The following PRKDC variants were observed in gnomAD, a reference collection of about 807,000 sequenced individuals.
The protein encoded by PRKDC is protein kinase, DNA-activated, catalytic subunit.
In PRKDC, 82 loss-of-function variants were observed where a neutral mutation model predicts 486.9. The ratio of observed to expected loss-of-function variants is 0.17; its 90% CI spans 0.14 to 0.20. PRKDC has a LOEUF of 0.20. Ranked by LOEUF, PRKDC falls within the 10% of genes least tolerant of loss-of-function variation. The pLI is 1.00. For missense variants in PRKDC, 4,504 were observed against 5,038.2 expected, an observed-to-expected ratio of 0.89 and a Z score of 3.21; for synonymous variants, 1,895 against 1,837.0, an observed-to-expected ratio of 1.03 and a Z score of -0.81.
At position 47,839,148 on chromosome 8, in the gene PRKDC, T is replaced by A. The variant is rs2088089235; in HGVS notation, c.7553A>T (p.Gln2518Leu). ...QGLIDENPGL[Q>L]LIIRNFWSHE... ...TGTCCCAGCCCAGTTATTCACGTAC[T>A]GAAGTCCAGGGTTCTCATCGATCAA... is the stretch of plus-strand genomic sequence containing the variant. The change falls in exon 56 of 86, where the codon CAA (glutamine) becomes CTA (leucine). Residue 2518 changes from glutamine (Q) to leucine (L), a missense_variant and splice_region_variant. Gln to Leu is a moderately radical substitution (Grantham distance 113). Around this residue, in one of 6 missense-constraint regions of PRKDC, gnomAD observed 1,592 missense variants for 1,724.6 expected, o/e 0.92. Coordinates refer to ENST00000314191, the MANE Select transcript of PRKDC (RefSeq NM_006904.7). 6.2e-7 allele frequency: 1 copy of A among 1,609,178 alleles called. No homozygotes were observed. Among genetic ancestry groups the A allele is most frequent in the Admixed American group, 1.7e-5 (1 of 59,994 alleles).
chr8:47,817,088 T>C (rs1351471016), intron 68 of PRKDC, among the ~76,000 whole-genome samples: 2 of 152,194 alleles, frequency 1.3e-5, no homozygotes, highest in Non-Finnish European at 2.9e-5. Flanking sequence ...AAAATCCTAG[T>C]TATAAAAAAT....
chr8:47,872,421 A>T (rs1283297104), intron 40 of PRKDC, among the ~76,000 whole-genome samples: 2 of 151,970 alleles, frequency 1.3e-5, no homozygotes, highest in African/African-American at 4.8e-5. Context: ...GTAGAAGTCC[A>T]CACTTATCAA....
chr8:47,832,292 A>G lies in PRKDC; in HGVS notation c.8153-366T>C, dbSNP rs2087902859. Among the ~76,000 whole-genome samples the G allele has an allele frequency of 2.6e-5, 4 of 152,190 alleles. No homozygotes were observed. In the South Asian group the frequency reaches 8.3e-4, roughly 32 times the overall value. On this transcript the variant is annotated intron_variant, in intron 59 of 85. Transcript: ENST00000314191. ...CCTCCCTCGGGACTGTGGCAACCTG[A>G]CCAGGGACAGGTGACCGCAACACTC...
chr8:47,945,191 G>A (rs2090512080), intron 7 of PRKDC, among the ~76,000 whole-genome samples: 1 of 152,166 alleles, frequency 6.6e-6, no homozygotes, highest in Non-Finnish European at 1.5e-5. Flanking sequence ...CTCTCCTGCA[G>A]CCCCTCCCTC....
At chr8:47,942,246 A>C (rs1297786586) in intron 10 of PRKDC, among the ~76,000 whole-genome samples, 1 of 152,248 alleles carries the variant, frequency 6.6e-6, no homozygotes, top group Non-Finnish European at 1.5e-5. Context: ...AGGCCAGCCA[A>C]GTTCAGCGTA....
chr8:47,857,084 T>C (rs2088557630), intron 49 of PRKDC, 72 bp downstream of exon 49: 1 of 1,451,668 alleles, frequency 6.9e-7, no homozygotes, highest in Non-Finnish European at 9.2e-7. Context: ...GGGACCTGAA[T>C]TATGTGTCAT....
In PRKDC at chr8:47,930,736, C is replaced by T. The variant is rs1459814906; in HGVS notation, c.1828G>A (p.Ala610Thr). The change falls in exon 17 of 86, where the codon GCT (alanine) becomes ACT (threonine). Residue 610 changes from alanine (A) to threonine (T), a missense_variant. Physicochemically the swap from Ala to Thr is moderately conservative, Grantham distance 58. Transcript: ENST00000314191. ...TTAGGTTTAGCTGGATGCAAGTTAG[C>T]CGCTGGATCTGAAGTTGGGATCATC... ...VWMIPTSDPA[A>T]NLHPAKPKDF... is the part of the protein sequence containing the mutation. The T allele has an allele frequency of 1.3e-6, 2 of 1,591,822 alleles. No individual in the cohort carries two copies. Among genetic ancestry groups the T allele is most frequent in the Non-Finnish European group, 1.7e-6 (2 of 1,168,834 alleles).
At position 47,819,422 on chromosome 8, in the gene PRKDC, A is replaced by G; in HGVS notation, c.9425T>C (p.Ile3142Thr). 1 of 1,540,098 alleles carries G rather than the reference A, an allele frequency of 6.5e-7. No homozygotes were observed. The highest frequency in any genetic ancestry group is 8.7e-7 in the Non-Finnish European group (1 of 1,151,282). Residue 3142 changes from isoleucine to threonine, a missense_variant, in exon 67 of 86, where the codon ATC (isoleucine) becomes ACC (threonine). Transcript: ENST00000314191. ...VQALTEIQEFISFISKQGNLS... is the reference protein window; with the variant it reads ...VQALTEIQEFTSFISKQGNLS... ...ATTACCTTGTTTGCTTATAAAGCTG[A>G]TGAACTCCTGAATTTCTGTTAAAGC...
chr8:47,936,655 T>C, intron 11 of PRKDC, 138 bp from the exon 12 acceptor site: 2 of 990,638 alleles, frequency 2.0e-6, no homozygotes, highest in Non-Finnish European at 2.9e-6. Flanking sequence ...GTTTCGCTCT[T>C]GTCCAGGCTG....
rs397891351 is a variant in PRKDC at position 47,825,504 on chromosome 8, C to CAAAAAA, written c.8783+1146_8783+1151dup. On this transcript the variant is annotated intron_variant, in intron 63 of 85. Coordinates refer to ENST00000314191, the MANE Select transcript of PRKDC (RefSeq NM_006904.7). ...AACTGGCGACAGAGCAAGACTGTCT[C>CAAAAAA]AAAAAAAAAAAAAAAAAAAAAAAAA... 4.6e-3 allele frequency among the ~76,000 whole-genome samples: 47 copies of CAAAAAA among 10,240 alleles called. 5 individuals are homozygous for CAAAAAA. The highest frequency in any genetic ancestry group is 0.012 in the African/African-American group (32 of 2,770). The allele number at this position is 10,240 out of a possible 152,430, so 6.7% of individuals were successfully genotyped here.
chr8:47,875,061 C>CA (rs1370938478), intron 40 of PRKDC, among the ~76,000 whole-genome samples: 3 of 151,972 alleles, frequency 2.0e-5, no homozygotes, highest in Non-Finnish European at 4.4e-5. Flanking sequence ...TCCAAAAAAA[C>CA]AAAAAAGCTA....
intron 74 of PRKDC, among the ~76,000 whole-genome samples, chr8:47,793,835 G>A (rs1157869462): frequency 6.6e-6 from 1 of 152,052 alleles, no homozygotes; most frequent in African/African-American, 2.4e-5. Flanking sequence ...ACACTACACA[G>A]TTTGTGTACA....
intron 63 of PRKDC, among the ~76,000 whole-genome samples, chr8:47,825,504 CAAAAAAAA>C (rs397891351): frequency 2.9e-4 from 3 of 10,256 alleles, no homozygotes; most frequent in Non-Finnish European, 3.9e-4. Flanking sequence ...AAGACTGTCT[CAAAAAAAA>C]AAAAAAAAAA....
intron 21 of PRKDC, among the ~76,000 whole-genome samples, chr8:47,925,828 A>T (rs1028225887): frequency 6.6e-6 from 1 of 152,236 alleles, no homozygotes; most frequent in African/African-American, 2.4e-5. Flanking sequence ...CAAAATCTTA[A>T]TAACTGGTGA....
At chr8:47,785,355 T>A in intron 76 of PRKDC, 38 bp from the exon 77 acceptor site, 4 of 1,474,054 alleles carry the variant, frequency 2.7e-6, no homozygotes, top group Non-Finnish European at 2.8e-6. Flanking sequence ...GACTGATGTT[T>A]AGTTTGGACT....
At chr8:47,953,530 G>T in intron 7 of PRKDC, 90 bp downstream of exon 7, 1 of 1,215,400 alleles carries the variant, frequency 8.2e-7, no homozygotes, top group Non-Finnish European at 1.2e-6. Flanking sequence ...GTAAATTCAG[G>T]ATTGGTTAAG....
At chr8:47,930,972 G>A (rs142515283) in intron 16 of PRKDC, among the ~76,000 whole-genome samples, 185 bp from the exon 17 acceptor site, 13 of 152,304 alleles carry the variant, frequency 8.5e-5, no homozygotes, top group Non-Finnish European at 1.5e-4. Flanking sequence ...TGCAGAAAGC[G>A]TTAACCAAAA....
chr8:47,774,446 G>A, intron 85 of PRKDC, 69 bp from the exon 86 acceptor site: 1 of 1,451,882 alleles, frequency 6.9e-7, no homozygotes, highest in African/African-American at 1.4e-5. Context: ...CATCCCTAGT[G>A]ATCCTATCCA....
At position 47,800,814 on chromosome 8, in the gene PRKDC, G is replaced by C. The variant is rs2087091239; in HGVS notation, c.10095C>G (p.Ser3365=). The C allele has an allele frequency of 1.9e-6, 3 of 1,610,862 alleles. No individual in the cohort carries two copies. Among genetic ancestry groups the C allele is most frequent in the Non-Finnish European group, 2.5e-6 (3 of 1,178,570 alleles). Residue 3365 remains serine (S), a synonymous_variant, in exon 71 of 86, where the codon TCC becomes TCG. Transcript: ENST00000314191. ...KARRILELSG[S]SSEDSEKVIA... Reference sequence around the variant, plus strand: ...TTACCTTCTCTGAATCCTCTGAACTGGATCCAGAAAGCTCTAAGATTCTTC... The same window carrying C: ...TTACCTTCTCTGAATCCTCTGAACTCGATCCAGAAAGCTCTAAGATTCTTC...
Sources: allele counts gnomAD v4.1 joint callset (sites outside exome capture counted in the v4.1 genomes callset), GRCh38; gene constraint gnomAD v4.1.1; regional missense constraint gnomAD v4.1.1; transcripts MANE v1.5; gene names NCBI Gene and HGNC (gene_info 2026-07-23, HGNC 2026-07-21).